LOXHD1: variants seen among roughly 807,000 people sequenced by gnomAD.
LOXHD1 encodes the protein lipoxygenase homology domain-containing protein 1.
A neutral mutation model predicts 248.2 loss-of-function variants in LOXHD1; 205 were observed. That is an observed-to-expected ratio of 0.83 (90% CI 0.74 to 0.93). The LOEUF is 0.93. Ranked by LOEUF, LOXHD1 falls within the 40% of genes least tolerant of loss-of-function variation. LOXHD1 has a pLI of 0.00. For missense variants in LOXHD1, 2,930 were observed against 2,971.6 expected, an observed-to-expected ratio of 0.99 and a Z score of 0.33; for synonymous variants, 1,113 against 1,162.8, an observed-to-expected ratio of 0.96 and a Z score of 0.87.
chr18:46,625,310 G>A (rs2038725833), intron 4 of LOXHD1, among the ~76,000 whole-genome samples: 2 of 152,126 alleles, frequency 1.3e-5, no homozygotes, highest in Non-Finnish European at 2.9e-5. Flanking sequence ...CCTCAGCCAA[G>A]CCTTGTTATG....
intron 33 of LOXHD1, chr18:46,518,741 A>G (rs1450661264): frequency 6.5e-6 from 2 of 308,414 alleles, no homozygotes; most frequent in African/African-American, 2.3e-5. Flanking sequence ...GACAATTCGC[A>G]TGGCACCTGG....
rs770408532 is a variant in LOXHD1, at chr18:46,604,230, CT to C, written c.760-2del. The stretch of plus-strand genomic sequence containing the variant: ...TGTTCCCAATATCTTCAATGACTAT[CT>C]GGGAAGGAGAAGAGGGGACAAGGAT... On this transcript the variant is annotated splice_acceptor_variant, in intron 6 of 40. Transcript: ENST00000642948. LOFTEE classifies it high-confidence loss of function. 4.5e-6 allele frequency: 7 copies of C among 1,551,562 alleles called. No individual in the cohort carries two copies. The African/African-American group carries it at 9.6e-5, about 21-fold the overall frequency.
intron 18 of LOXHD1, among the ~76,000 whole-genome samples, chr18:46,562,689 C>A (rs535821996): frequency 6.6e-6 from 1 of 152,162 alleles, no homozygotes; most frequent in East Asian, 1.9e-4. Context: ...ATTAGAATCA[C>A]CTGCTCCCAT....
intron 38 of LOXHD1, 27 bp downstream of exon 38, chr18:46,488,945 C>G: frequency 1.3e-6 from 2 of 1,544,376 alleles, no homozygotes; most frequent in South Asian, 1.2e-5. Context: ...CTGCCTCCCT[C>G]CTGAGCCAAT....
intron 26 of LOXHD1, among the ~76,000 whole-genome samples, chr18:46,535,631 C>G (rs999187521): frequency 6.6e-6 from 1 of 152,106 alleles, no homozygotes; most frequent in African/African-American, 2.4e-5. Flanking sequence ...TGCAGTGGCG[C>G]AAACTCAGCT....
chr18:46,601,661 T>C, intron 7 of LOXHD1, 194 bp from the exon 8 acceptor site: 1 of 692,116 alleles, frequency 1.4e-6, no homozygotes. Flanking sequence ...CCAGAGTTTG[T>C]GTGTCCAATG....
At chr18:46,545,099 AG>A (rs1334114824) in intron 23 of LOXHD1, among the ~76,000 whole-genome samples, 1 of 152,232 alleles carries the variant, frequency 6.6e-6, no homozygotes, top group Non-Finnish European at 1.5e-5. Flanking sequence ...GGGTGGAGTC[AG>A]GGCTACCTTC....
chr18:46,559,428 G>A lies in LOXHD1; in HGVS notation c.3216+20C>T. Reference sequence around the variant, plus strand: ...CCAAACCCACAGCCCCCACCCAGGGGCCAGAGACCCTCACCCTACCTGCCC... The same window carrying A: ...CCAAACCCACAGCCCCCACCCAGGGACCAGAGACCCTCACCCTACCTGCCC... On this transcript the variant is annotated intron_variant, in intron 20 of 40. Transcript: ENST00000642948. 6.4e-7 allele frequency: 1 copy of A among 1,551,954 alleles called. No homozygotes were observed. The highest frequency in any genetic ancestry group is 8.7e-7 in the Non-Finnish European group (1 of 1,147,028).
intron 33 of LOXHD1, among the ~76,000 whole-genome samples, chr18:46,519,654 T>TA (rs1171585391): frequency 1.3e-5 from 2 of 152,060 alleles, no homozygotes; most frequent in Non-Finnish European, 1.5e-5. Flanking sequence ...CAGGCAGGCA[T>TA]AAAAAATAGA....
At chr18:46,518,910 G>A (rs1391186723) in intron 33 of LOXHD1, 3 of 985,492 alleles carry the variant, frequency 3.0e-6, no homozygotes, top group East Asian at 2.3e-4. Flanking sequence ...CACTGGAGAA[G>A]TGAGACAATC....
chr18:46,641,595 A>G (rs1397390778), intron 3 of LOXHD1, among the ~76,000 whole-genome samples: 1 of 152,188 alleles, frequency 6.6e-6, no homozygotes, highest in Non-Finnish European at 1.5e-5. Flanking sequence ...AGATGAGGAA[A>G]CTGAGGTTTG....
At chr18:46,534,066 C>T (rs1411994811) in intron 27 of LOXHD1, among the ~76,000 whole-genome samples, 1 of 152,156 alleles carries the variant, frequency 6.6e-6, no homozygotes, top group Non-Finnish European at 1.5e-5. Context: ...AGGAAGGGCA[C>T]TCTGGTCAAT....
chr18:46,479,833 T>G (rs1240908660), intron 40 of LOXHD1, among the ~76,000 whole-genome samples: 1 of 151,442 alleles, frequency 6.6e-6, no homozygotes, highest in African/African-American at 2.4e-5. Flanking sequence ...GGACTTTGCA[T>G]TCTTGAATCT....
At chr18:46,646,248 G>C (rs2039028435) in intron 2 of LOXHD1, among the ~76,000 whole-genome samples, 1 of 152,190 alleles carries the variant, frequency 6.6e-6, no homozygotes. Flanking sequence ...TCCCAGGATG[G>C]GGTGGGGCAG....
At position 46,618,302 on chromosome 18, in the gene LOXHD1, G is replaced by A. The variant is rs1194366392; in HGVS notation, c.512-12C>T. Reference sequence around the variant, plus strand: ...TTCATACTTATTACCTAGGAACAAGGAGAGAGAAAAACCTTAGCTCATCAG... The same window carrying A: ...TTCATACTTATTACCTAGGAACAAGAAGAGAGAAAAACCTTAGCTCATCAG... On this transcript the variant is annotated splice_polypyrimidine_tract_variant and intron_variant, in intron 4 of 40. Transcript: ENST00000642948. The A allele has an allele frequency of 5.2e-6, 8 of 1,537,344 alleles. No homozygotes were observed. In the East Asian group the frequency reaches 7.3e-5, roughly 14 times the overall value.
intron 27 of LOXHD1, chr18:46,533,694 C>T (rs896799485): frequency 5.2e-5 from 17 of 326,992 alleles, no homozygotes; most frequent in East Asian, 2.0e-4. Flanking sequence ...GAGGCCAAGG[C>T]GGGTGGATTA....
chr18:46,583,621 A>G (rs898197529), intron 12 of LOXHD1, among the ~76,000 whole-genome samples: 2 of 152,184 alleles, frequency 1.3e-5, no homozygotes, highest in Non-Finnish European at 1.5e-5. Context: ...GGGAAATGCA[A>G]ATCGAAACCA....
chr18:46,497,472 G>T (rs1162495477), intron 37 of LOXHD1, among the ~76,000 whole-genome samples: 2 of 152,130 alleles, frequency 1.3e-5, no homozygotes, highest in Non-Finnish European at 2.9e-5. Flanking sequence ...AGTGTCTTGA[G>T]GGTGGGGGCA....
intron 34 of LOXHD1, among the ~76,000 whole-genome samples, chr18:46,516,098 G>C (rs926616775): frequency 6.6e-6 from 1 of 152,214 alleles, no homozygotes; most frequent in Non-Finnish European, 1.5e-5. Context: ...CAAGCTCTAA[G>C]TAGAGAGTTT....
Sources: allele counts gnomAD v4.1 joint callset (sites outside exome capture counted in the v4.1 genomes callset), GRCh38; gene constraint gnomAD v4.1.1; transcripts MANE v1.5; gene names NCBI Gene and HGNC (gene_info 2026-07-23, HGNC 2026-07-21).